Variants in TLE1 observed in about 807,000 individuals in gnomAD.
TLE1 encodes the protein TLE family member 1, transcriptional corepressor.
In TLE1, 21 loss-of-function variants were observed where a neutral mutation model predicts 89.8. The observed-to-expected ratio is 0.23, with a 90% confidence interval of 0.17 to 0.34. The LOEUF (loss-of-function observed/expected upper bound fraction) is 0.34, where lower values mean the gene tolerates loss of function less well. Among genes scored for constraint, TLE1 ranks in the 10% least tolerant of loss-of-function variants. The pLI is 1.00. For missense variants in TLE1, 795 were observed against 1,031.2 expected (o/e 0.77, Z 3.14); for synonymous variants, 447 against 407.6 (o/e 1.10, Z -1.16).
chr9:81,589,336 C>T (rs1011111775), intron 16 of TLE1, among the ~76,000 whole-genome samples: 3 of 152,204 alleles, frequency 2.0e-5, no homozygotes, highest in Non-Finnish European at 4.4e-5. Flanking sequence ...ATATACTATA[C>T]TCCAGCATTA....
Position 81,593,251 on chromosome 9 carries a change from G to A in TLE1, c.1355C>T (p.Ala452Val), listed in dbSNP as rs1804529. The A allele has an allele frequency of 2.5e-6, 4 of 1,613,806 alleles. 1 individual carries two copies. The highest frequency in any genetic ancestry group is 3.4e-6 in the Non-Finnish European group (4 of 1,179,720). Residue 452 changes from alanine (A) to valine (V), a missense_variant, in exon 15 of 20, where the codon GCA becomes GTA. Ala to Val is a moderately conservative substitution (Grantham distance 64). This residue lies in a region of TLE1 where 468 missense variants were observed against 509.1 expected (regional missense o/e 0.92). Transcript: ENST00000376499. ...GKPAYSFHVT[A>V]DGQMQPVPFP... ...AGGGACAGGCTGCATCTGACCGTCT[G>A]CAGTAACGTGGAAGGAGTATGCACT...
At position 81,612,101 on chromosome 9, in the gene TLE1, T is replaced by A. The variant is rs1823792275; in HGVS notation, c.1064-142A>T. ...CTTCTAGGGGAGGGGGAAAATCACC[T>A]CCAATTTATACACTGGATCCCTCCT... On this transcript the variant is annotated intron_variant, in intron 12 of 19. Coordinates refer to ENST00000376499, the MANE Select transcript of TLE1 (RefSeq NM_005077.5). 4 of 688,220 alleles carry A rather than the reference T, an allele frequency of 5.8e-6. No individual in the cohort carries two copies. The East Asian group carries it at 1.4e-4, about 24-fold the overall frequency. The allele number at this position is 688,220 out of a possible 1,614,324, so 42.6% of individuals were successfully genotyped here. A position where few individuals can be genotyped will look rare whatever the true frequency, so the allele number is the denominator to read the frequency against.
At chr9:81,684,578 G>A (rs1834025535) in intron 4 of TLE1, among the ~76,000 whole-genome samples, 1 of 152,194 alleles carries the variant, frequency 6.6e-6, no homozygotes, top group Admixed American at 6.5e-5. Flanking sequence ...AGGAAGATCT[G>A]AAGGCTGAAC....
In TLE1 at chr9:81,587,582, G is replaced by C. The variant is rs73468030; in HGVS notation, c.1977+99C>G. 1,311 of 1,413,984 alleles carry C rather than the reference G, an allele frequency of 9.3e-4. 10 individuals are homozygous for C. In the African/African-American group the frequency reaches 0.018, roughly 19 times the overall value. The allele number at this position is 1,413,984 out of a possible 1,614,324, so 87.6% of individuals were successfully genotyped here. A position where few individuals can be genotyped will look rare whatever the true frequency, so the allele number is the denominator to read the frequency against. On this transcript the variant is annotated intron_variant, in intron 17 of 19. Coordinates refer to ENST00000376499, the MANE Select transcript of TLE1 (RefSeq NM_005077.5). ...AATTCAGCCCTGATCTGTTTGTCCA[G>C]CCACTACCATCCTAGGGTAAAGGAG...
intron 4 of TLE1, among the ~76,000 whole-genome samples, chr9:81,673,010 C>T (rs909042553): frequency 6.6e-6 from 1 of 152,112 alleles, no homozygotes; most frequent in African/African-American, 2.4e-5. Flanking sequence ...CGGTGGCTCA[C>T]GCCTGTAATC....
Position 81,593,166 on chromosome 9 carries a change from G to C in TLE1, c.1440C>G (p.Thr480=). 1 of 1,614,196 alleles carries C rather than the reference G, an allele frequency of 6.2e-7. No homozygotes were observed. The highest frequency in any genetic ancestry group is 8.5e-7 in the Non-Finnish European group (1 of 1,180,048). ...CGCACACCACCTCCCCGTGGTTGAG[G>C]GTGTTGATCTGGCGAGCATGCCGGG... ...GIPRHARQIN[T]LNHGEVVCAV... Residue 480 remains threonine (T), a synonymous_variant, in exon 15 of 20, where the codon ACC becomes ACG. Coordinates refer to ENST00000376499, the MANE Select transcript of TLE1 (RefSeq NM_005077.5).
chr9:81,673,272 TAAAAAAAAA>T (rs5898756), intron 4 of TLE1, among the ~76,000 whole-genome samples: 6 of 98,022 alleles, frequency 6.1e-5, no homozygotes, highest in African/African-American at 1.2e-4. Context: ...AGACTTCATT[TAAAAAAAAA>T]AAAAAAAAAA....
At chr9:81,624,185 C>CT (rs1170820497) in intron 8 of TLE1, among the ~76,000 whole-genome samples, 1 of 152,188 alleles carries the variant, frequency 6.6e-6, no homozygotes. Flanking sequence ...TCTGACCTAC[C>CT]TCCTAACCAA....
chr9:81,665,008 C>T (rs1260193566), intron 4 of TLE1, among the ~76,000 whole-genome samples: 1 of 152,200 alleles, frequency 6.6e-6, no homozygotes, highest in Non-Finnish European at 1.5e-5. Context: ...TCTCTCTAAT[C>T]TTCATGTGGA....
intron 6 of TLE1, among the ~76,000 whole-genome samples, chr9:81,646,649 T>C (rs548668510): frequency 1.5e-4 from 23 of 152,122 alleles, no homozygotes; most frequent in Non-Finnish European, 3.4e-4. Flanking sequence ...AGAAAAATAA[T>C]CCAACATTTT....
chr9:81,631,513 C>T (rs1448837633), intron 8 of TLE1, among the ~76,000 whole-genome samples: 1 of 152,202 alleles, frequency 6.6e-6, no homozygotes, highest in Non-Finnish European at 1.5e-5. Flanking sequence ...AATTGTGTCA[C>T]TCACTCCTCC....
At position 81,613,400 on chromosome 9, in the gene TLE1, A is replaced by G; in HGVS notation, c.1040T>C (p.Ile347Thr). The change falls in exon 12 of 20, where the codon ATA (isoleucine) becomes ACA (threonine). Residue 347 changes from isoleucine (I) to threonine (T), a missense_variant. Physicochemically the swap from Ile to Thr is moderately conservative, Grantham distance 89. Around this residue, in one of 4 missense-constraint regions of TLE1, gnomAD observed 468 missense variants for 509.1 expected, o/e 0.92. Coordinates refer to ENST00000376499, the MANE Select transcript of TLE1 (RefSeq NM_005077.5). Reference protein sequence around the residue: ...LRPGLGKPPAIDPLVNQAAAG... With the variant: ...LRPGLGKPPATDPLVNQAAAG... ...ACCCGCTTGGTTAACGAGGGGGTCT[A>G]TGGCTGGAGGCTTGCCGAGACCTGG... is the stretch of plus-strand genomic sequence containing the variant. 3.7e-6 allele frequency: 6 copies of G among 1,614,106 alleles called. No homozygotes were observed. In the South Asian group the frequency reaches 6.6e-5, roughly 18 times the overall value.
chr9:81,585,729 T>A, intron 17 of TLE1, 74 bp from the exon 18 acceptor site: 1 of 1,553,152 alleles, frequency 6.4e-7, no homozygotes, highest in African/African-American at 1.4e-5. Context: ...ATGTGAAAAG[T>A]GGGGAAATAG....
At position 81,616,150 on chromosome 9, in the gene TLE1, CAA is replaced by C. The variant is rs761367476; in HGVS notation, c.766-18_766-17del. ...AAGAAGGGTCCTCAACAAGCATAATCAAAAGTTTTCGTGATTTAGCTTGTAAC... is the reference window on the plus strand; with the variant it reads ...AAGAAGGGTCCTCAACAAGCATAATCAAGTTTTCGTGATTTAGCTTGTAAC... On this transcript the variant is annotated splice_polypyrimidine_tract_variant and intron_variant, in intron 10 of 19. Transcript: ENST00000376499. 1.8e-5 allele frequency: 28 copies of C among 1,586,856 alleles called. No individual in the cohort carries two copies. In the African/African-American group the frequency reaches 3.8e-4, roughly 22 times the overall value.
rs556350272 is a variant in TLE1 at position 81,680,513 on chromosome 9, A to AT, written c.234+5162dup. On this transcript the variant is annotated intron_variant, in intron 4 of 19. Coordinates refer to ENST00000376499, the MANE Select transcript of TLE1 (RefSeq NM_005077.5). ...TTGATCATGATAACTATGTTTTGTG[A>AT]TTTTCTTAAAATCCATGCCCAGGGA... 1.4e-3 allele frequency among the ~76,000 whole-genome samples: 209 copies of AT among 152,102 alleles called. 1 individual carries two copies. Among genetic ancestry groups the AT allele is most frequent in the South Asian group, 8.5e-3 (41 of 4,830 alleles).
At chr9:81,684,925 T>C (rs1340468370) in intron 4 of TLE1, among the ~76,000 whole-genome samples, 1 of 152,190 alleles carries the variant, frequency 6.6e-6, no homozygotes, top group Non-Finnish European at 1.5e-5. Context: ...TCTTATGAGG[T>C]CCTTAGTGCC....
chr9:81,587,926 G>GTCATCCCACC (rs374682917), intron 16 of TLE1, 98 bp from the exon 17 acceptor site: 1 of 880,892 alleles, frequency 1.1e-6, no homozygotes, highest in Non-Finnish European at 1.5e-6. Context: ...GTGTGTGTGT[G>GTCATCCCACC]TGTGTGTGTG....
chr9:81,652,093 G>A (rs1352765521), intron 6 of TLE1, 121 bp downstream of exon 6: 5 of 857,080 alleles, frequency 5.8e-6, no homozygotes, highest in East Asian at 5.3e-5. Context: ...TATCAAATAG[G>A]TCAACGTTAA....
chr9:81,661,190 A>ATATATATT (rs1830748326), intron 4 of TLE1, among the ~76,000 whole-genome samples: 2 of 81,570 alleles, frequency 2.5e-5, no homozygotes, highest in South Asian at 4.8e-4. Context: ...ATGTATTTTT[A>ATATATATT]TATATATATG....
Sources: gnomAD v4.1 joint callset for allele counts (sites outside exome capture counted in the v4.1 genomes callset) on GRCh38, gnomAD v4.1.1 for gene constraint, gnomAD v4.1.1 regional missense constraint, MANE v1.5 for transcripts, NCBI Gene and HGNC (gene_info 2026-07-23, HGNC 2026-07-21) for gene names.